Variants in USP34 observed in about 807,000 individuals in gnomAD.
USP34 encodes the protein ubiquitin carboxyl-terminal hydrolase 34.
In USP34, 70 loss-of-function variants were observed where a neutral mutation model predicts 460.3. The ratio of observed to expected loss-of-function variants is 0.15; its 90% CI spans 0.13 to 0.19. The LOEUF (loss-of-function observed/expected upper bound fraction) is 0.19, where lower values mean the gene tolerates loss of function less well. Among genes scored for constraint, USP34 ranks in the 10% least tolerant of loss-of-function variants. USP34 has a pLI of 1.00. For missense variants in USP34, 3,985 were observed against 4,236.2 expected, an observed-to-expected ratio of 0.94 and a Z score of 1.65; for synonymous variants, 1,647 against 1,405.3, an observed-to-expected ratio of 1.17 and a Z score of -3.85.
chr2:61,385,567 G>A (rs765225173), intron 5 of USP34, among the ~76,000 whole-genome samples: 20 of 150,928 alleles, frequency 1.3e-4, no homozygotes, highest in Non-Finnish European at 2.9e-4. Context: ...AGCTACTTGG[G>A]AGGCTGAGGC....
chr2:61,298,682 T>G (rs1211050135), intron 29 of USP34, among the ~76,000 whole-genome samples: 1 of 151,908 alleles, frequency 6.6e-6, no homozygotes, highest in Non-Finnish European at 1.5e-5. Context: ...GGTCCTGGTT[T>G]TCTCTACTAC....
In USP34 at chr2:61,242,458, TACACACACACACAC is replaced by T. The variant is rs67471702; in HGVS notation, c.6628-653_6628-640del. Among the ~76,000 whole-genome samples the T allele has an allele frequency of 4.8e-3, 626 of 129,778 alleles. 4 individuals carry two copies. Among genetic ancestry groups the T allele is most frequent in the African/African-American group, 0.016 (524 of 33,556 alleles). The allele number at this position is 129,778 out of a possible 152,430, so 85.1% of individuals were successfully genotyped here. On this transcript the variant is annotated intron_variant, in intron 51 of 79. Transcript: ENST00000398571. The stretch of plus-strand genomic sequence containing the variant: ...GTAAGAGTCAACCAAAGATAATACA[TACACACACACACAC>T]ACACACACACACACACACACACACA...
At chr2:61,353,108 A>T (rs1167976230) in intron 10 of USP34, among the ~76,000 whole-genome samples, 1 of 152,214 alleles carries the variant, frequency 6.6e-6, no homozygotes, top group Non-Finnish European at 1.5e-5. Flanking sequence ...AGCTACGGAG[A>T]CAACAATACA....
chr2:61,341,412 T>C (rs1407795759), intron 16 of USP34, among the ~76,000 whole-genome samples: 1 of 152,190 alleles, frequency 6.6e-6, no homozygotes, highest in Non-Finnish European at 1.5e-5. Flanking sequence ...AAATCTCATG[T>C]TGAAATGTGA....
intron 2 of USP34, among the ~76,000 whole-genome samples, chr2:61,419,798 C>T (rs1212389048): frequency 6.6e-6 from 1 of 152,148 alleles, no homozygotes; most frequent in African/African-American, 2.4e-5. Flanking sequence ...CAATCATAAA[C>T]ATATTAGTAT....
At chr2:61,286,988 A>G (rs890786799) in intron 34 of USP34, among the ~76,000 whole-genome samples, 1 of 152,244 alleles carries the variant, frequency 6.6e-6, no homozygotes, top group Non-Finnish European at 1.5e-5. Flanking sequence ...TGGAAAGTTT[A>G]TTCTGAAAAA....
chr2:61,286,086 C>A (rs1689681247), intron 34 of USP34, among the ~76,000 whole-genome samples: 1 of 152,118 alleles, frequency 6.6e-6, no homozygotes, highest in Non-Finnish European at 1.5e-5. Context: ...AGTGAGAAAA[C>A]TTCCAGAAAA....
At chr2:61,418,656 C>G (rs963473191) in intron 2 of USP34, among the ~76,000 whole-genome samples, 1 of 152,156 alleles carries the variant, frequency 6.6e-6, no homozygotes, top group African/African-American at 2.4e-5. Context: ...CAATCTTAAT[C>G]TAGGCCACAA....
intron 34 of USP34, among the ~76,000 whole-genome samples, chr2:61,286,473 T>C (rs546612928): frequency 2.6e-5 from 4 of 152,106 alleles, no homozygotes; most frequent in African/African-American, 7.2e-5. Flanking sequence ...CTGTCCAAGA[T>C]GGCAAAACCC....
rs756610949 is a variant in USP34 at position 61,350,649 on chromosome 2, G to A, written c.1296C>T (p.Leu432=). 2.5e-6 allele frequency: 4 copies of A among 1,613,750 alleles called. No individual in the cohort carries two copies. Among genetic ancestry groups the A allele is most frequent in the Non-Finnish European group, 3.4e-6 (4 of 1,179,860 alleles). ...GTGGTACGGGATCCAAATTCTTGAT[G>A]AGTGAAGGAAATAAGTCATGTATAT... The part of the protein sequence containing the change: ...SRYIHDLFPS[L]IKNLDPVPLR... The change falls in exon 11 of 80, where the codon CTC becomes CTT. Residue 432 remains leucine (L), a synonymous_variant. Transcript: ENST00000398571.
intron 48 of USP34, among the ~76,000 whole-genome samples, chr2:61,249,420 T>C (rs970530677): frequency 6.6e-6 from 1 of 152,262 alleles, no homozygotes; most frequent in Non-Finnish European, 1.5e-5. Flanking sequence ...GATTTTATCA[T>C]GCTACTCAGT....
At position 61,304,458 on chromosome 2, in the gene USP34, C is replaced by T. The variant is rs930221136; in HGVS notation, c.3818-3004G>A. Among the ~76,000 whole-genome samples, 9 of 152,266 alleles carry T rather than the reference C, an allele frequency of 5.9e-5. No homozygotes were observed. In the East Asian group the frequency reaches 9.6e-4, roughly 16 times the overall value. ...ATAAGTGTTCCCCAAATCTGTATGT[C>T]GAATCCTAATTACCAAGGTGATGAT... On this transcript the variant is annotated intron_variant, in intron 27 of 79. Transcript: ENST00000398571.
rs368420268 is a variant in USP34, at chr2:61,311,613, T to A, written c.3744A>T (p.Leu1248Phe). The change falls in exon 27 of 80, where the codon TTA becomes TTT. Residue 1248 changes from leucine (L) to phenylalanine (F), a missense_variant. By Grantham distance (22) the Leu-to-Phe change is conservative (BLOSUM62 0). Around this residue, in one of 14 missense-constraint regions of USP34, gnomAD observed 1,114 missense variants for 1,122.5 expected, o/e 0.99. Coordinates refer to ENST00000398571, the MANE Select transcript of USP34 (RefSeq NM_014709.4). ...CTTGTTGATTTATTTGTTCTTTCTGTAAATTTTCATACCAATGAGTTACTT... is the reference window on the plus strand; with the variant it reads ...CTTGTTGATTTATTTGTTCTTTCTGAAAATTTTCATACCAATGAGTTACTT... ...RAEVTHWYENLQKEQINQQAQ... is the reference protein window; with the variant it reads ...RAEVTHWYENFQKEQINQQAQ... 16 of 1,613,674 alleles carry A rather than the reference T, an allele frequency of 9.9e-6. No homozygotes were observed. The highest frequency in any genetic ancestry group is 1.4e-5 in the Non-Finnish European group (16 of 1,179,916).
At chr2:61,457,584 T>C (rs1437813960) in intron 1 of USP34, among the ~76,000 whole-genome samples, 1 of 152,142 alleles carries the variant, frequency 6.6e-6, no homozygotes, top group Non-Finnish European at 1.5e-5. Context: ...AGTAAAGTGT[T>C]GTGTGTGGTG....
At chr2:61,235,750 C>A in intron 57 of USP34, 95 bp downstream of exon 57, 1 of 1,269,304 alleles carries the variant, frequency 7.9e-7, no homozygotes, top group Non-Finnish European at 1.1e-6. Context: ...CTCCCTGTGA[C>A]AGATAAAACA....
chr2:61,422,065 A>G (rs1038415439), intron 1 of USP34, among the ~76,000 whole-genome samples: 1 of 152,222 alleles, frequency 6.6e-6, no homozygotes, highest in Admixed American at 6.5e-5. Context: ...TGGGACCTAG[A>G]TCACATCTGA....
chr2:61,349,151 G>T, intron 13 of USP34, 99 bp downstream of exon 13: 1 of 1,394,920 alleles, frequency 7.2e-7, no homozygotes, highest in Non-Finnish European at 9.8e-7. Context: ...TGAACTTTAT[G>T]ACTGATACAA....
rs571339864 is a variant in USP34, at chr2:61,190,339, A to G, written c.9805T>C (p.Tyr3269His). Residue 3269 changes from tyrosine to histidine, a missense_variant, in exon 78 of 80, where the codon TAT becomes CAT. Physicochemically the swap from Tyr to His is moderately conservative, Grantham distance 83 (BLOSUM62 2). Transcript: ENST00000398571. ...GAGAAATCAGACTGTAGGTTCTGAT[A>G]CTGGCTTATCAAGTTTGTAATAAGA... Reference protein sequence around the residue: ...STLITNLISQYQNLQSDFSNR... With the variant: ...STLITNLISQHQNLQSDFSNR... 1.6e-5 allele frequency: 26 copies of G among 1,613,878 alleles called. No individual in the cohort carries two copies. The highest frequency in any genetic ancestry group is 1.3e-4 in the South Asian group (12 of 90,964).
At chr2:61,432,791 G>A (rs920344869) in intron 1 of USP34, among the ~76,000 whole-genome samples, 1 of 151,228 alleles carries the variant, frequency 6.6e-6, no homozygotes, top group Non-Finnish European at 1.5e-5. Context: ...GGGTACATAA[G>A]TGTTCACTGC....
Sources: gnomAD v4.1 joint callset for allele counts (sites outside exome capture counted in the v4.1 genomes callset) on GRCh38, gnomAD v4.1.1 for gene constraint, gnomAD v4.1.1 regional missense constraint, MANE v1.5 for transcripts, NCBI Gene and HGNC (gene_info 2026-07-23, HGNC 2026-07-21) for gene names.